The following GALNT9 variants were observed in gnomAD, a reference collection of about 807,000 sequenced individuals.
GALNT9 encodes polypeptide N-acetylgalactosaminyltransferase 9.
In GALNT9, 47 loss-of-function variants were observed where a neutral mutation model predicts 63.1. The ratio of observed to expected loss-of-function variants is 0.75; its 90% CI spans 0.59 to 0.95. The LOEUF is 0.95. GALNT9 is among the 40% of genes least tolerant of loss of function. The pLI, the probability that GALNT9 is intolerant of heterozygous loss-of-function variation, is 0.00. For missense variants in GALNT9, 829 were observed against 874.8 expected (o/e 0.95, Z 0.66); for synonymous variants, 396 against 365.7 (o/e 1.08, Z -0.94).
At chr12:132,298,504 T>A (rs1881158792) in intron 1 of GALNT9, among the ~76,000 whole-genome samples, 4 of 132,606 alleles carry the variant, frequency 3.0e-5, no homozygotes, top group Non-Finnish European at 3.2e-5. Flanking sequence ...GATAACTCAC[T>A]CCCATAACTA....
chr12:132,229,423 C>T lies in GALNT9; in HGVS notation c.1077+18487G>A, dbSNP rs979436077. On this transcript the variant is annotated intron_variant, in intron 6 of 10. Transcript: ENST00000328957. ...CAATGAATAACTCGCTTCCCTTTGACGCCCCACCCGTCCTGCCCTGGCACG... is the reference window on the plus strand; with the variant it reads ...CAATGAATAACTCGCTTCCCTTTGATGCCCCACCCGTCCTGCCCTGGCACG... 1.3e-3 allele frequency among the ~76,000 whole-genome samples: 204 copies of T among 152,366 alleles called. 1 individual carries two copies. Among genetic ancestry groups the T allele is most frequent in the Non-Finnish European group, 2.7e-3 (182 of 68,028 alleles).
Position 132,240,204 on chromosome 12 carries a change from G to A in GALNT9, c.1077+7706C>T, listed in dbSNP as rs2136897878. ...GAGAGGAATCTCCTCTCTAAATGGC[G>A]GGGTTGAGTGGGGTGGTCGCCCTAC... On this transcript the variant is annotated intron_variant, in intron 6 of 10. Transcript: ENST00000328957. 1.8e-4 allele frequency among the ~76,000 whole-genome samples: 27 copies of A among 152,272 alleles called. No homozygotes were observed. In the South Asian group the frequency reaches 1.9e-3, roughly 11 times the overall value.
In GALNT9 at chr12:132,295,120, G is replaced by A. The variant is rs374180342; in HGVS notation, c.239-8690C>T. ...TGCACTGGGGGTCACAGGAGCGGCC[G>A]GTGCTGCCACAGCCCAGGGGCCAGA... On this transcript the variant is annotated intron_variant, in intron 1 of 10. Coordinates refer to ENST00000328957, the MANE Select transcript of GALNT9 (RefSeq NM_001122636.2). 4.6e-3 allele frequency among the ~76,000 whole-genome samples: 695 copies of A among 152,354 alleles called. 2 individuals are homozygous for A. Among genetic ancestry groups the A allele is most frequent in the African/African-American group, 0.015 (631 of 41,578 alleles).
intron 1 of GALNT9, among the ~76,000 whole-genome samples, chr12:132,312,664 T>G (rs911385188): frequency 3.3e-5 from 5 of 152,208 alleles, no homozygotes; most frequent in African/African-American, 1.2e-4. Flanking sequence ...GGAGGAGACC[T>G]CAGGAACCCA....
chr12:132,284,521 G>C (rs916387153), intron 2 of GALNT9: 1 of 152,204 alleles, frequency 6.6e-6, no homozygotes, highest in African/African-American at 2.4e-5. Flanking sequence ...TCATTTCACC[G>C]CTGCAAATGG....
chr12:132,296,995 C>T lies in GALNT9; in HGVS notation c.239-10565G>A, dbSNP rs1458719705. On this transcript the variant is annotated intron_variant, in intron 1 of 10. Transcript: ENST00000328957. The surrounding 1 kb of genome is among the most constrained non-coding windows in gnomAD (Gnocchi z 4.2). ...ATAAACAACACACTCCCGAGATGAC[C>T]AAGTCACTCCCAACACAACCAGCTC... Among the ~76,000 whole-genome samples the T allele has an allele frequency of 2.0e-5, 3 of 152,182 alleles. No homozygotes were observed. The highest frequency in any genetic ancestry group is 4.4e-5 in the Non-Finnish European group (3 of 68,018).
chr12:132,267,800 C>CACACACACACAT (rs138324682), intron 2 of GALNT9, among the ~76,000 whole-genome samples: 22 of 140,132 alleles, frequency 1.6e-4, no homozygotes, highest in South Asian at 6.6e-4. Flanking sequence ...CGCACTCACA[C>CACACACACACAT]GCACTCACAC....
Position 132,207,923 on chromosome 12 carries a change from G to A in GALNT9, c.1078-4233C>T, listed in dbSNP as rs183361341. ...CAAGACAGCCCCCACCCCCCACCAC[G>A]ACTCCTCGCGCAAGCAGCACTGGTG... On this transcript the variant is annotated intron_variant, in intron 6 of 10. Transcript: ENST00000328957. 1.5e-3 allele frequency among the ~76,000 whole-genome samples: 225 copies of A among 152,066 alleles called. 1 individual carries two copies. The highest frequency in any genetic ancestry group is 6.8e-3 in the Middle Eastern group (2 of 294).
chr12:132,277,502 C>T (rs187844325), intron 2 of GALNT9: 66 of 154,878 alleles, frequency 4.3e-4, no homozygotes, highest in African/African-American at 8.9e-4. Context: ...CTGGGGCAGA[C>T]CTGCTGGGGG....
chr12:132,216,491 G>A (rs1877200496), intron 6 of GALNT9, among the ~76,000 whole-genome samples: 1 of 152,264 alleles, frequency 6.6e-6, no homozygotes, highest in Non-Finnish European at 1.5e-5. Flanking sequence ...CCTGGGTGCT[G>A]AGCGCAGTCT....
At chr12:132,197,766 A>AC in intron 10 of GALNT9, 26 bp downstream of exon 10, 3 of 769,140 alleles carry the variant, frequency 3.9e-6, no homozygotes, top group Non-Finnish European at 5.9e-6. Flanking sequence ...CCCCAACCCC[A>AC]CGGCCCCCCT....
Position 132,285,231 on chromosome 12 carries a change from G to A in GALNT9, c.419+1019C>T, listed in dbSNP as rs920182994. On this transcript the variant is annotated intron_variant, in intron 2 of 10. Coordinates refer to ENST00000328957, the MANE Select transcript of GALNT9 (RefSeq NM_001122636.2). ...ACCTGCCACCACCCCACGGTGAAAC[G>A]CGGCCCCACTGGGCAGCCCTGAGCG... 6.6e-5 allele frequency among the ~76,000 whole-genome samples: 10 copies of A among 152,336 alleles called. 1 individual carries two copies. The highest frequency in any genetic ancestry group is 4.1e-4 in the South Asian group (2 of 4,826).
At position 132,246,753 on chromosome 12, in the gene GALNT9, G is replaced by A. The variant is rs1429470130; in HGVS notation, c.1077+1157C>T. ...TTACCATACTGGTCAGGCTGGTCTC[G>A]AACTTCTGACCTCATGATCCACCCA... On this transcript the variant is annotated intron_variant, in intron 6 of 10. Transcript: ENST00000328957. The surrounding 1 kb of genome is among the most constrained non-coding windows in gnomAD (Gnocchi z 4.7). 1.3e-5 allele frequency among the ~76,000 whole-genome samples: 2 copies of A among 152,146 alleles called. No individual in the cohort carries two copies. The highest frequency in any genetic ancestry group is 2.9e-5 in the Non-Finnish European group (2 of 68,026).
intron 1 of GALNT9, among the ~76,000 whole-genome samples, chr12:132,306,227 G>A (rs1035366180): frequency 3.2e-4 from 49 of 152,356 alleles, no homozygotes; most frequent in African/African-American, 9.6e-4. Context: ...TGAGGGCGCC[G>A]GCACCTGCCC....
At chr12:132,210,345 GTTC>G (rs1263546793) in intron 6 of GALNT9, among the ~76,000 whole-genome samples, 1 of 152,262 alleles carries the variant, frequency 6.6e-6, no homozygotes, top group Admixed American at 6.5e-5. Flanking sequence ...AGTCGGACCT[GTTC>G]TTCTGGTCAA....
At chr12:132,284,632 G>A (rs899975984) in intron 2 of GALNT9, 5 of 152,246 alleles carry the variant, frequency 3.3e-5, no homozygotes, top group Non-Finnish European at 7.3e-5. Flanking sequence ...AGGTGTCCAA[G>A]CCTCCATGCC....
rs755276731 is a variant in GALNT9, at chr12:132,197,188, G to A, written c.1731C>T (p.Asn577=). 4 of 1,614,076 alleles carry A rather than the reference G, an allele frequency of 2.5e-6. No homozygotes were observed. Among genetic ancestry groups the A allele is most frequent in the Non-Finnish European group, 3.4e-6 (4 of 1,180,030 alleles). The change falls in exon 11 of 11, where the codon AAC becomes AAT. Residue 577 remains asparagine, a synonymous_variant. Coordinates refer to ENST00000328957, the MANE Select transcript of GALNT9 (RefSeq NM_001122636.2). ...TCTGTACCACCAGCCGGAGCCCAAA[G>A]TTGGCATCTTTGGACATCTCCACCT... ...CLEVEMSKDA[N]FGLRLVVQRC... is the part of the protein sequence containing the mutation.
chr12:132,318,657 T>G (rs1025395532), intron 1 of GALNT9, among the ~76,000 whole-genome samples: 1 of 152,172 alleles, frequency 6.6e-6, no homozygotes, highest in Non-Finnish European at 1.5e-5. Flanking sequence ...CCGACTGACC[T>G]CCCAGCTGGG....
intron 7 of GALNT9, among the ~76,000 whole-genome samples, chr12:132,202,261 C>T (rs1395618185): frequency 6.6e-6 from 1 of 152,226 alleles, no homozygotes; most frequent in East Asian, 1.9e-4. Flanking sequence ...CAGTTGCCCA[C>T]ACACTTGGGG....
Sources: allele counts gnomAD v4.1 joint callset (sites outside exome capture counted in the v4.1 genomes callset), GRCh38; gene constraint gnomAD v4.1.1; non-coding constraint Gnocchi (gnomAD v3.1); transcripts MANE v1.5; gene names NCBI Gene and HGNC (gene_info 2026-07-23, HGNC 2026-07-21).